The following KLF12 variants were observed in gnomAD, a reference collection of about 807,000 sequenced individuals.
The protein encoded by KLF12 is Krueppel-like factor 12.
Under a neutral mutation model 37.8 loss-of-function variants are expected in KLF12, and 9 were observed. The ratio of observed to expected loss-of-function variants is 0.24; its 90% confidence interval spans 0.14 to 0.42. The LOEUF (loss-of-function observed/expected upper bound fraction) is 0.42, where lower values mean the gene tolerates loss of function less well. KLF12 is among the 10% of genes least tolerant of loss of function. The pLI is 1.00. For synonymous variants in KLF12, 208 were observed against 202.1 expected (o/e 1.03, Z -0.25); for missense variants, 411 against 516.0 (o/e 0.80, Z 1.97).
chr13:74,033,080 A>G (rs1345526409), intron 1 of KLF12, among the ~76,000 whole-genome samples: 4 of 152,216 alleles, frequency 2.6e-5, no homozygotes, highest in Non-Finnish European at 4.4e-5. Flanking sequence ...CTTGAAATAA[A>G]ACGTGACATG....
chr13:73,737,327 A>G (rs1369660253), intron 6 of KLF12, among the ~76,000 whole-genome samples: 1 of 152,196 alleles, frequency 6.6e-6, no homozygotes, highest in African/African-American at 2.4e-5. Flanking sequence ...TTATTCTTCA[A>G]ATTTACTTCA....
the KLF12 span, among the ~76,000 whole-genome samples, chr13:74,188,904 C>T: frequency 1.3e-5 from 2 of 151,964 alleles, no homozygotes; most frequent in South Asian, 2.1e-4. Context: ...GGCGGAGACA[C>T]GAGAATTGCT....
Position 73,687,560 on chromosome 13 carries a change from T to G in KLF12, c.*7930A>C, listed in dbSNP as rs575480064. 12 of 152,150 alleles carry G rather than the reference T, an allele frequency of 7.9e-5. No individual in the cohort carries two copies. The East Asian group carries it at 2.3e-3, about 29-fold the overall frequency. The allele number at this position is 152,150 out of a possible 1,614,324, so 9.4% of individuals were successfully genotyped here. ...GAACACAAGTAGGGCAAAAGCACTT[T>G]TTATGATTTTTTTTTTTGCCATATC... On this transcript the variant is annotated 3_prime_UTR_variant, in exon 8 of 8. Coordinates refer to ENST00000377669, the MANE Select transcript of KLF12 (RefSeq NM_007249.5).
At chr13:73,768,551 C>T (rs555612762) in intron 5 of KLF12, among the ~76,000 whole-genome samples, 1 of 61,742 alleles carries the variant, frequency 1.6e-5, no homozygotes, top group African/African-American at 5.8e-5. Context: ...TCTCAGGCAG[C>T]TCATTTTTTT....
the KLF12 span, among the ~76,000 whole-genome samples, chr13:74,230,745 GTT>G: frequency 2.6e-5 from 4 of 152,258 alleles, no homozygotes; most frequent in African/African-American, 7.2e-5. Flanking sequence ...ACTATCAAGT[GTT>G]TATCTATTGC....
intron 7 of KLF12, among the ~76,000 whole-genome samples, chr13:73,706,282 T>A (rs1874943278): frequency 1.3e-5 from 2 of 152,182 alleles, no homozygotes; most frequent in Admixed American, 6.5e-5. Context: ...TTAAATGAGG[T>A]AATAATGGAT....
intron 4 of KLF12, among the ~76,000 whole-genome samples, chr13:73,826,648 A>G (rs1883859066): frequency 1.3e-5 from 2 of 152,140 alleles, no homozygotes; most frequent in African/African-American, 4.8e-5. Flanking sequence ...CTTCTTCCAC[A>G]GTATTCTGGT....
intron 1 of KLF12, among the ~76,000 whole-genome samples, chr13:74,042,512 A>C (rs1893434206): frequency 6.6e-6 from 1 of 152,168 alleles, no homozygotes; most frequent in African/African-American, 2.4e-5. Context: ...ATTGCTTTTT[A>C]GCTTCTTTTT....
At chr13:73,725,538 G>T (rs1876596462) in intron 6 of KLF12, among the ~76,000 whole-genome samples, 1 of 151,850 alleles carries the variant, frequency 6.6e-6, no homozygotes, top group African/African-American at 2.4e-5. Flanking sequence ...TCAAACCTGG[G>T]TTTTAATTTG....
intron 2 of KLF12, among the ~76,000 whole-genome samples, chr13:73,979,866 G>A (rs1034464979): frequency 6.6e-6 from 1 of 152,034 alleles, no homozygotes; most frequent in South Asian, 2.1e-4. Context: ...ATAAAATAAG[G>A]TCATATGGGT....
chr13:74,014,569 T>C (rs1892640763), intron 1 of KLF12, among the ~76,000 whole-genome samples: 1 of 152,220 alleles, frequency 6.6e-6, no homozygotes, highest in African/African-American at 2.4e-5. Flanking sequence ...ATGGAATGCA[T>C]ATTAAAATTT....
At chr13:74,162,298 G>A in the KLF12 span, among the ~76,000 whole-genome samples, 2 of 152,216 alleles carry the variant, frequency 1.3e-5, no homozygotes, top group Middle Eastern at 3.4e-3. Flanking sequence ...TCAAACATAC[G>A]GATGAATGAC....
intron 1 of KLF12, among the ~76,000 whole-genome samples, chr13:74,082,972 A>T (rs1331186722): frequency 6.6e-6 from 1 of 152,320 alleles, no homozygotes; most frequent in Middle Eastern, 3.4e-3. Flanking sequence ...CAGGCAAAAT[A>T]AAGAAAAATG....
chr13:73,765,760 G>A (rs1291042458), intron 5 of KLF12, among the ~76,000 whole-genome samples: 2 of 152,022 alleles, frequency 1.3e-5, no homozygotes, highest in African/African-American at 4.8e-5. Context: ...AAAACAATAC[G>A]CCCTACTTCC....
At chr13:74,266,846 C>A in the KLF12 span, among the ~76,000 whole-genome samples, 2 of 152,104 alleles carry the variant, frequency 1.3e-5, no homozygotes, top group African/African-American at 2.4e-5. Flanking sequence ...TAAGTAATAA[C>A]AAAAACCAGT....
At chr13:74,200,352 G>T in the KLF12 span, among the ~76,000 whole-genome samples, 1 of 152,238 alleles carries the variant, frequency 6.6e-6, no homozygotes, top group Admixed American at 6.5e-5. Flanking sequence ...CTGACCGGCT[G>T]GGGGAACTTG....
intron 1 of KLF12, among the ~76,000 whole-genome samples, chr13:74,094,438 T>C (rs1875859954): frequency 6.6e-6 from 1 of 152,082 alleles, no homozygotes; most frequent in African/African-American, 2.4e-5. Flanking sequence ...TCTTGATATG[T>C]AACCTGCCAT....
intron 4 of KLF12, among the ~76,000 whole-genome samples, chr13:73,813,743 G>A (rs1883066072): frequency 6.6e-6 from 1 of 152,184 alleles, no homozygotes; most frequent in South Asian, 2.1e-4. Context: ...TAAGTTAAAA[G>A]AACAGGGCTT....
At chr13:73,868,639 C>A (rs1253356438) in intron 3 of KLF12, among the ~76,000 whole-genome samples, 1 of 152,100 alleles carries the variant, frequency 6.6e-6, no homozygotes, top group Non-Finnish European at 1.5e-5. Flanking sequence ...GATTTGCCCA[C>A]CTTGGCCTCC....
Sources: allele counts gnomAD v4.1 joint callset (sites outside exome capture counted in the v4.1 genomes callset), GRCh38; gene constraint gnomAD v4.1.1; transcripts MANE v1.5; gene names NCBI Gene and HGNC (gene_info 2026-07-23, HGNC 2026-07-21).